ASF1B: variants seen among roughly 807,000 people sequenced by gnomAD.
The protein encoded by ASF1B is anti-silencing function 1B histone chaperone, also known as histone chaperone ASF1B.
In ASF1B, 10 loss-of-function variants were observed where a neutral mutation model predicts 16.6. The ratio of observed to expected loss-of-function variants is 0.60; its 90% CI spans 0.37 to 1.02. The LOEUF (loss-of-function observed/expected upper bound fraction) is 1.02. Ranked by LOEUF, ASF1B falls within the 50% of genes least tolerant of loss-of-function variation. The probability of loss-of-function intolerance (pLI) is 0.01; values close to 1 mark genes in which losing one functional copy is unlikely to be tolerated. For synonymous variants in ASF1B, 101 were observed against 106.2 expected, an observed-to-expected ratio of 0.95 and a Z score of 0.30; for missense variants, 240 against 266.0, an observed-to-expected ratio of 0.90 and a Z score of 0.68.
chr19:14,130,252 G>A (rs796712484), intron 1 of ASF1B, among the ~76,000 whole-genome samples: 1 of 151,570 alleles, frequency 6.6e-6, no homozygotes, highest in African/African-American at 2.4e-5. Flanking sequence ...TAGTAGAGAC[G>A]GGGTTTCACT....
intron 1 of ASF1B, among the ~76,000 whole-genome samples, chr19:14,134,485 G>C (rs1326211481): frequency 1.3e-5 from 2 of 151,940 alleles, no homozygotes; most frequent in Non-Finnish European, 2.9e-5. Flanking sequence ...GCACTAGTTA[G>C]CATATCCTGG....
At chr19:14,123,865 A>T (rs1333181511) in intron 2 of ASF1B, among the ~76,000 whole-genome samples, 2 of 147,666 alleles carry the variant, frequency 1.4e-5, no homozygotes, top group African/African-American at 2.5e-5. Flanking sequence ...ATCTCAGCTC[A>T]CTGTAACTTC....
In ASF1B at chr19:14,123,724, A is replaced by G. The variant is rs147754317; in HGVS notation, c.226-2016T>C. ...CTTTTCCCTCTGTCATCCAGACTGGAGTGCAGTGGTGCAATCACAGATCAC... is the reference window on the plus strand; with the variant it reads ...CTTTTCCCTCTGTCATCCAGACTGGGGTGCAGTGGTGCAATCACAGATCAC... On this transcript the variant is annotated intron_variant, in intron 2 of 3. Transcript: ENST00000263382. 1.4e-4 allele frequency among the ~76,000 whole-genome samples: 21 copies of G among 150,462 alleles called. No homozygotes were observed. In the East Asian group the frequency reaches 4.1e-3, roughly 29 times the overall value.
intron 1 of ASF1B, among the ~76,000 whole-genome samples, chr19:14,135,553 T>G (rs1599361523): frequency 6.6e-6 from 1 of 150,968 alleles, no homozygotes; most frequent in African/African-American, 2.4e-5. Context: ...CTGGTGGGCG[T>G]GGGGTTATTG....
chr19:14,129,881 CA>C (rs1967375837), intron 1 of ASF1B, among the ~76,000 whole-genome samples: 1 of 149,828 alleles, frequency 6.7e-6, no homozygotes, highest in Non-Finnish European at 1.5e-5. Context: ...ACAAAAAATA[CA>C]AAAAATTAGC....
chr19:14,122,366 C>CTT (rs34251080), intron 2 of ASF1B, among the ~76,000 whole-genome samples: 43 of 144,632 alleles, frequency 3.0e-4, no homozygotes, highest in Non-Finnish European at 5.5e-4. Flanking sequence ...TGCGCCTGGA[C>CTT]TTTTTTTTTT....
Position 14,133,882 on chromosome 19 carries a change from C to A in ASF1B, c.109+2466G>T, listed in dbSNP as rs1217201965. Among the ~76,000 whole-genome samples, 4 of 143,638 alleles carry A rather than the reference C, an allele frequency of 2.8e-5. No individual in the cohort carries two copies. The South Asian group carries it at 9.0e-4, about 32-fold the overall frequency. The allele number at this position is 143,638 out of a possible 152,430, so 94.2% of individuals were successfully genotyped here. A position where few individuals can be genotyped will look rare whatever the true frequency, so the allele number is the denominator to read the frequency against. ...GCAGTGGCGCGATCTCGGCTCACTGCAAGCTCCGCCTCCCGGGTTCACGCC... is the reference window on the plus strand; with the variant it reads ...GCAGTGGCGCGATCTCGGCTCACTGAAAGCTCCGCCTCCCGGGTTCACGCC... On this transcript the variant is annotated intron_variant, in intron 1 of 3. Coordinates refer to ENST00000263382, the MANE Select transcript of ASF1B (RefSeq NM_018154.3).
rs1258551875 is a variant in ASF1B at position 14,126,121 on chromosome 19, C to T, written c.225+1G>A. 1 of 1,592,554 alleles carries T rather than the reference C, an allele frequency of 6.3e-7. No individual in the cohort carries two copies. The highest frequency in any genetic ancestry group is 8.5e-7 in the Non-Finnish European group (1 of 1,171,266). The stretch of plus-strand genomic sequence containing the variant: ...AAGGCCTAAGGCCTCATCTTTCTTA[C>T]CTGAAAGACAAACATGTGTCTCCCT... On this transcript the variant is annotated splice_donor_variant, in intron 2 of 3. Coordinates refer to ENST00000263382, the MANE Select transcript of ASF1B (RefSeq NM_018154.3). LOFTEE classifies it high-confidence loss of function.
At position 14,136,495 on chromosome 19, in the gene ASF1B, T is replaced by C; in HGVS notation, c.-39A>G. On this transcript the variant is annotated 5_prime_UTR_variant, in exon 1 of 4. Transcript: ENST00000263382. ...CGCGCCGCAGCAGGGGCAGGGGCTG[T>C]GGCTGTGGCGGAGGCCGCGCCTGGG... is the stretch of plus-strand genomic sequence containing the variant. The C allele has an allele frequency of 6.3e-7, 1 of 1,590,916 alleles. No homozygotes were observed. The highest frequency in any genetic ancestry group is 8.6e-7 in the Non-Finnish European group (1 of 1,163,916).
In ASF1B at chr19:14,136,542, G is replaced by A; in HGVS notation, c.-86C>T. The A allele has an allele frequency of 9.1e-7, 1 of 1,095,844 alleles. No homozygotes were observed. The highest frequency in any genetic ancestry group is 1.5e-5 in the South Asian group (1 of 68,772). The allele number at this position is 1,095,844 out of a possible 1,614,324, so 67.9% of individuals were successfully genotyped here. On this transcript the variant is annotated 5_prime_UTR_variant, in exon 1 of 4. Transcript: ENST00000263382. ...TGGGTCCGGTGGGGTCAGTGGGGTA[G>A]GGCTGACCAGGTCCACTCCCGCCTC...
intron 1 of ASF1B, among the ~76,000 whole-genome samples, chr19:14,130,216 G>A (rs969219719): frequency 6.6e-6 from 1 of 151,426 alleles, no homozygotes; most frequent in African/African-American, 2.4e-5. Flanking sequence ...CCCCCACCAC[G>A]CCCGGCTAAT....
intron 2 of ASF1B, 61 bp downstream of exon 2, chr19:14,126,061 C>G (rs1967312703): frequency 7.5e-7 from 1 of 1,333,234 alleles, no homozygotes; most frequent in African/African-American, 1.5e-5. Flanking sequence ...TGTGGGATTT[C>G]AGGTAAAAGA....
Position 14,136,579 on chromosome 19 carries a change from A to T in ASF1B, c.-123T>A, listed in dbSNP as rs1417625967. On this transcript the variant is annotated 5_prime_UTR_variant, in exon 1 of 4. Coordinates refer to ENST00000263382, the MANE Select transcript of ASF1B (RefSeq NM_018154.3). ...TCCACTCCCGCCTCTTCTCTCCGAG[A>T]ACTGAAGTGCGCACCTAGTCCGCGC... The T allele has an allele frequency of 1.4e-6, 1 of 728,332 alleles. No individual in the cohort carries two copies. The highest frequency in any genetic ancestry group is 1.8e-5 in the African/African-American group (1 of 55,970). 45.1% of individuals were successfully genotyped at this position (728,332 alleles called of 1,614,324 possible).
At chr19:14,126,671 C>T (rs946145993) in intron 1 of ASF1B, among the ~76,000 whole-genome samples, 1 of 152,118 alleles carries the variant, frequency 6.6e-6, no homozygotes, top group Non-Finnish European at 1.5e-5. Flanking sequence ...AGGGTTTCAC[C>T]ATGTTGATCA....
At chr19:14,136,321 G>T in intron 1 of ASF1B, 27 bp downstream of exon 1, 1 of 1,597,492 alleles carries the variant, frequency 6.3e-7, no homozygotes, top group Non-Finnish European at 8.6e-7. Flanking sequence ...CCCGGGGGTG[G>T]GGGTCCCCGC....
At chr19:14,134,633 A>C (rs1967458611) in intron 1 of ASF1B, among the ~76,000 whole-genome samples, 2 of 152,086 alleles carry the variant, frequency 1.3e-5, no homozygotes, top group Non-Finnish European at 2.9e-5. Flanking sequence ...TCCCTAGGTG[A>C]CCTTAGATTT....
chr19:14,120,483 A>G lies in ASF1B; in HGVS notation c.585T>C (p.Pro195=), dbSNP rs370433719. 27 of 1,612,692 alleles carry G rather than the reference A, an allele frequency of 1.7e-5. No individual in the cohort carries two copies. Among genetic ancestry groups the G allele is most frequent in the Non-Finnish European group, 2.1e-5 (25 of 1,179,380 alleles). Residue 195 remains proline (P), a synonymous_variant, in exon 4 of 4, where the codon CCT becomes CCC. Coordinates refer to ENST00000263382, the MANE Select transcript of ASF1B (RefSeq NM_018154.3). ...GTTAGATGCAGTCCATGGAGTTCTC[A>G]GGGAGGAGGCCAGGGATGCAGCCAG... ...GLPGCIPGLL[P]ENSMDCI
At position 14,120,499 on chromosome 19, in the gene ASF1B, A is replaced by G. The variant is rs759236968; in HGVS notation, c.569T>C (p.Ile190Thr). The change falls in exon 4 of 4, where the codon ATC (isoleucine) becomes ACC (threonine). Residue 190 changes from isoleucine to threonine, a missense_variant. Transcript: ENST00000263382. The stretch of plus-strand genomic sequence containing the variant: ...GGAGTTCTCAGGGAGGAGGCCAGGG[A>G]TGCAGCCAGGGAGCCCCAAGCCCTT... ...PIKGLGLPGCIPGLLPENSMD... is the reference protein window; with the variant it reads ...PIKGLGLPGCTPGLLPENSMD... 1 of 1,612,862 alleles carries G rather than the reference A, an allele frequency of 6.2e-7. No homozygotes were observed. Among genetic ancestry groups the G allele is most frequent in the Non-Finnish European group, 8.5e-7 (1 of 1,179,416 alleles).
At chr19:14,127,646 CTTTTT>C (rs71170596) in intron 1 of ASF1B, among the ~76,000 whole-genome samples, 11 of 148,682 alleles carry the variant, frequency 7.4e-5, no homozygotes, top group African/African-American at 2.0e-4. Flanking sequence ...CCTCCAAACA[CTTTTT>C]TTTTTTGACA....
Sources: gnomAD v4.1 joint callset for allele counts (sites outside exome capture counted in the v4.1 genomes callset) on GRCh38, gnomAD v4.1.1 for gene constraint, MANE v1.5 for transcripts, NCBI Gene and HGNC (gene_info 2026-07-23, HGNC 2026-07-21) for gene names.